TNKS: variants seen among roughly 807,000 people sequenced by gnomAD.
TNKS encodes tankyrase.
In TNKS, 72 loss-of-function variants were observed where a neutral mutation model predicts 135.8. The ratio of observed to expected loss-of-function variants is 0.53; its 90% confidence interval spans 0.44 to 0.64. The LOEUF is 0.64. Among genes scored for constraint, TNKS ranks in the 30% least tolerant of loss-of-function variants. TNKS has a pLI of 0.00. For missense variants in TNKS, 1,769 were observed against 1,674.0 expected (o/e 1.06, Z -0.99); for synonymous variants, 849 against 649.3 (o/e 1.31, Z -4.68).
At chr8:9,686,272 C>A (rs1451163269) in intron 5 of TNKS, among the ~76,000 whole-genome samples, 3 of 152,138 alleles carry the variant, frequency 2.0e-5, no homozygotes, top group South Asian at 4.2e-4. Context: ...AGAACTGAGG[C>A]CCCTAGCCAA....
At chr8:9,651,489 A>C (rs1585278966) in intron 3 of TNKS, among the ~76,000 whole-genome samples, 1 of 152,224 alleles carries the variant, frequency 6.6e-6, no homozygotes, top group South Asian at 2.1e-4. Flanking sequence ...GCTTTGAGAG[A>C]ATTTAGAGGA....
intron 11 of TNKS, among the ~76,000 whole-genome samples, chr8:9,711,497 A>G (rs1333133013): frequency 6.6e-6 from 1 of 152,200 alleles, no homozygotes; most frequent in Admixed American, 6.5e-5. Context: ...TGACCCTGAC[A>G]AGGGACACAG....
intron 3 of TNKS, among the ~76,000 whole-genome samples, chr8:9,655,687 C>G (rs1028067010): frequency 2.0e-5 from 3 of 152,196 alleles, no homozygotes; most frequent in African/African-American, 7.2e-5. Flanking sequence ...AGGGTCCTGA[C>G]TGTTAGAAGG....
chr8:9,728,512 A>T (rs1805264892), intron 13 of TNKS, among the ~76,000 whole-genome samples: 1 of 152,218 alleles, frequency 6.6e-6, no homozygotes, highest in African/African-American at 2.4e-5. Context: ...TTTTGTCAGT[A>T]TTCTGACAAA....
intron 2 of TNKS, among the ~76,000 whole-genome samples, chr8:9,590,061 A>C (rs554954055): frequency 1.3e-5 from 2 of 152,232 alleles, no homozygotes; most frequent in Non-Finnish European, 2.9e-5. Flanking sequence ...GCCCTGTGCA[A>C]CTGCACAGCT....
chr8:9,764,938 A>C (rs1807345671), intron 23 of TNKS, 148 bp downstream of exon 23: 1 of 534,188 alleles, frequency 1.9e-6, no homozygotes. Context: ...CACTCTTCTC[A>C]CTACAATATC....
chr8:9,558,613 C>A (rs542453542), intron 1 of TNKS: 1 of 152,246 alleles, frequency 6.6e-6, no homozygotes, highest in Non-Finnish European at 1.5e-5. Flanking sequence ...CAAAATAGTG[C>A]TTGTTTCTCA....
chr8:9,703,448 G>A (rs903318006), intron 5 of TNKS, among the ~76,000 whole-genome samples: 2 of 152,150 alleles, frequency 1.3e-5, no homozygotes, highest in Non-Finnish European at 1.5e-5. Flanking sequence ...ACATGAAGAA[G>A]CTGAGACACA....
intron 3 of TNKS, among the ~76,000 whole-genome samples, chr8:9,644,279 G>T (rs1315878367): frequency 6.6e-6 from 1 of 152,140 alleles, no homozygotes. Flanking sequence ...TGAGGCTCTG[G>T]TAGTGGCTGA....
chr8:9,556,626 G>T lies in TNKS; in HGVS notation c.673+14G>T, dbSNP rs750407212. The T allele has an allele frequency of 6.2e-7, 1 of 1,612,638 alleles. No homozygotes were observed. Among genetic ancestry groups the T allele is most frequent in the East Asian group, 2.2e-5 (1 of 44,870 alleles). ...ACTTCGCTGCAGGTCAGAGACTTTT[G>T]AATTGTTTATTAAGGGTTATGGGTT... On this transcript the variant is annotated intron_variant, in intron 1 of 26. Transcript: ENST00000310430.
chr8:9,771,779 A>G (rs1282465179), intron 26 of TNKS, among the ~76,000 whole-genome samples: 1 of 46,598 alleles, frequency 2.1e-5, no homozygotes, highest in African/African-American at 1.0e-4. Flanking sequence ...AAAGGAAGGC[A>G]GGAGAGAGAG....
intron 5 of TNKS, among the ~76,000 whole-genome samples, chr8:9,700,294 A>G (rs1318516369): frequency 1.3e-5 from 2 of 152,192 alleles, no homozygotes; most frequent in Admixed American, 1.3e-4. Flanking sequence ...TTTCCTTTAG[A>G]GAATCAAACT....
In TNKS at chr8:9,693,829, A is replaced by T. The variant is rs1423561305; in HGVS notation, c.1108-10834A>T. 2.0e-5 allele frequency among the ~76,000 whole-genome samples: 3 copies of T among 152,192 alleles called. No individual in the cohort carries two copies. In the East Asian group the frequency reaches 5.8e-4, roughly 29 times the overall value. ...TGATAGCATATGCACACGCACACAC[A>T]ATTTTCTCATTCTGGACAGATCCAG... On this transcript the variant is annotated intron_variant, in intron 5 of 26. Coordinates refer to ENST00000310430, the MANE Select transcript of TNKS (RefSeq NM_003747.3).
chr8:9,679,165 G>A (rs1048111604), intron 3 of TNKS, among the ~76,000 whole-genome samples: 1 of 152,024 alleles, frequency 6.6e-6, no homozygotes, highest in East Asian at 1.9e-4. Flanking sequence ...TACCCATGTC[G>A]CAGTAGTTAG....
intron 3 of TNKS, among the ~76,000 whole-genome samples, chr8:9,619,706 G>C (rs1799790771): frequency 6.6e-6 from 1 of 151,978 alleles, no homozygotes; most frequent in African/African-American, 2.4e-5. Context: ...TGTGGCTCAG[G>C]CCACCGGCAA....
Position 9,640,341 on chromosome 8 carries a change from C to T in TNKS, c.994+24664C>T, listed in dbSNP as rs1800679452. Among the ~76,000 whole-genome samples the T allele has an allele frequency of 2.7e-5, 4 of 150,894 alleles. 1 individual carries two copies. In the South Asian group the frequency reaches 8.4e-4, roughly 32 times the overall value. ...ATTAATCCATTCATGAGAGCGGAGC[C>T]CTCATGACCTAATCACCTCTTAAAG... On this transcript the variant is annotated intron_variant, in intron 3 of 26. Coordinates refer to ENST00000310430, the MANE Select transcript of TNKS (RefSeq NM_003747.3).
chr8:9,751,601 T>A lies in TNKS; in HGVS notation c.2833-8T>A, dbSNP rs1303196830. 6.2e-7 allele frequency: 1 copy of A among 1,605,612 alleles called. No individual in the cohort carries two copies. The highest frequency in any genetic ancestry group is 8.5e-7 in the Non-Finnish European group (1 of 1,175,750). ...TTTCATGGTTTTTGTTTTTAATCAT[T>A]TTTTTAGGCTGACGATATCAGAGCT... is the stretch of plus-strand genomic sequence containing the variant. On this transcript the variant is annotated splice_polypyrimidine_tract_variant and splice_region_variant and intron_variant, in intron 18 of 26. Coordinates refer to ENST00000310430, the MANE Select transcript of TNKS (RefSeq NM_003747.3).
intron 2 of TNKS, among the ~76,000 whole-genome samples, chr8:9,603,345 AC>A: frequency 1.3e-5 from 2 of 149,982 alleles, no homozygotes; most frequent in Non-Finnish European, 3.0e-5. Flanking sequence ...ATGAGCCACC[AC>A]GCCTGACCTT....
intron 2 of TNKS, among the ~76,000 whole-genome samples, chr8:9,601,023 C>G (rs1457604894): frequency 1.3e-5 from 2 of 152,102 alleles, no homozygotes; most frequent in Non-Finnish European, 1.5e-5. Flanking sequence ...TAAGCAAGAG[C>G]TTTTAAAAAG....
Sources: gnomAD v4.1 joint callset for allele counts (sites outside exome capture counted in the v4.1 genomes callset) on GRCh38, gnomAD v4.1.1 for gene constraint, MANE v1.5 for transcripts, NCBI Gene and HGNC (gene_info 2026-07-23, HGNC 2026-07-21) for gene names.